The following SSBP3 variants were observed in gnomAD, a reference collection of about 807,000 sequenced individuals.
The protein encoded by SSBP3 is single-stranded DNA-binding protein 3.
In SSBP3, 5 loss-of-function variants were observed where a neutral mutation model predicts 69.6. The ratio of observed to expected loss-of-function variants is 0.07; its 90% CI spans 0.04 to 0.15. SSBP3 has a LOEUF of 0.15. SSBP3 is among the 10% of genes least tolerant of loss of function. The pLI, the probability that SSBP3 is intolerant of heterozygous loss-of-function variation, is 1.00. For missense variants in SSBP3, 312 were observed against 534.0 expected, an observed-to-expected ratio of 0.58 and a Z score of 4.10; for synonymous variants, 196 against 193.4, an observed-to-expected ratio of 1.01 and a Z score of -0.11.
intron 14 of SSBP3, chr1:54,236,731 T>G (rs1644501874): frequency 6.6e-6 from 1 of 152,244 alleles, no homozygotes; most frequent in Admixed American, 6.5e-5. Context: ...AGTCATCTTG[T>G]GGAAACGTGT....
chr1:54,329,844 C>T (rs1241988726), intron 4 of SSBP3, among the ~76,000 whole-genome samples: 1 of 152,172 alleles, frequency 6.6e-6, no homozygotes, highest in Non-Finnish European at 1.5e-5. Context: ...CTTCTCACCC[C>T]ACAATTCATC....
At chr1:54,254,813 G>A (rs980014264) in intron 7 of SSBP3, among the ~76,000 whole-genome samples, 2 of 152,120 alleles carry the variant, frequency 1.3e-5, no homozygotes, top group African/African-American at 4.8e-5. Flanking sequence ...GAAAACCAGT[G>A]TGGATTTCTT....
At chr1:54,412,447 G>A (rs1014108651) in intron 1 of SSBP3, among the ~76,000 whole-genome samples, 12 of 152,176 alleles carry the variant, frequency 7.9e-5, no homozygotes, top group African/African-American at 2.9e-4. Context: ...AGACCCAAAA[G>A]GACAAATACT....
At chr1:54,369,042 T>C (rs1647076418) in intron 4 of SSBP3, among the ~76,000 whole-genome samples, 1 of 152,204 alleles carries the variant, frequency 6.6e-6, no homozygotes, top group African/African-American at 2.4e-5. Context: ...GGCTCCATTT[T>C]TGTTTTATTA....
At chr1:54,341,329 C>G (rs1646602418) in intron 4 of SSBP3, among the ~76,000 whole-genome samples, 1 of 152,146 alleles carries the variant, frequency 6.6e-6, no homozygotes, top group Non-Finnish European at 1.5e-5. Flanking sequence ...CCAGACGTCT[C>G]CCCTTTAATG....
chr1:54,233,572 G>A (rs1404946192), intron 14 of SSBP3, among the ~76,000 whole-genome samples: 2 of 143,272 alleles, frequency 1.4e-5, no homozygotes, highest in African/African-American at 5.2e-5. Context: ...CAGCCGCCCC[G>A]TCGGGGAGGG....
chr1:54,289,402 G>A (rs1366338008), intron 4 of SSBP3, among the ~76,000 whole-genome samples: 5 of 151,896 alleles, frequency 3.3e-5, no homozygotes, highest in African/African-American at 1.2e-4. Flanking sequence ...GTGGGGTGGG[G>A]GGCTGTAAAA....
At chr1:54,251,557 G>T in intron 9 of SSBP3, 59 bp downstream of exon 9, 1 of 1,504,322 alleles carries the variant, frequency 6.6e-7, no homozygotes, top group South Asian at 1.2e-5. Context: ...GGAAACAGGA[G>T]AGAAGGCGGG....
intron 4 of SSBP3, among the ~76,000 whole-genome samples, chr1:54,368,303 A>G (rs1013323876): frequency 2.0e-5 from 3 of 151,718 alleles, no homozygotes; most frequent in Non-Finnish European, 4.4e-5. Context: ...AAAAAAAAAA[A>G]AAAAAGAAAA....
intron 5 of SSBP3, among the ~76,000 whole-genome samples, chr1:54,273,398 G>A (rs1233163477): frequency 2.6e-5 from 4 of 152,292 alleles, no homozygotes; most frequent in South Asian, 2.1e-4. Context: ...GAGGGAGGGC[G>A]ACTGAGCTGA....
chr1:54,277,081 C>T (rs545335110), intron 5 of SSBP3, among the ~76,000 whole-genome samples: 30 of 152,222 alleles, frequency 2.0e-4, no homozygotes, highest in Admixed American at 6.5e-4. Context: ...ATATCAGAGA[C>T]GGTCAATGAC....
exon 18 of SSBP3, chr1:54,225,904 CAA>C (rs889987616): frequency 2.0e-5 from 3 of 152,356 alleles, no homozygotes; most frequent in African/African-American, 7.2e-5. Flanking sequence ...ACAGCTGCTC[CAA>C]AGTCTTTCCA....
At chr1:54,356,555 G>A (rs994043174) in intron 4 of SSBP3, 1 of 152,222 alleles carries the variant, frequency 6.6e-6, no homozygotes, top group East Asian at 1.9e-4. Context: ...AGCAGAAGGC[G>A]GCCGGGAGCT....
intron 4 of SSBP3, among the ~76,000 whole-genome samples, chr1:54,365,282 C>T (rs1241474797): frequency 1.3e-5 from 2 of 152,158 alleles, no homozygotes; most frequent in Non-Finnish European, 2.9e-5. Flanking sequence ...CCTTGGCAGC[C>T]ACAGGTACGA....
At chr1:54,370,625 C>T (rs1216810983) in intron 4 of SSBP3, among the ~76,000 whole-genome samples, 1 of 152,086 alleles carries the variant, frequency 6.6e-6, no homozygotes, top group Non-Finnish European at 1.5e-5. Context: ...GGGTAATAAG[C>T]CTTGTCTGTC....
intron 14 of SSBP3, among the ~76,000 whole-genome samples, chr1:54,232,527 C>T (rs1644397482): frequency 6.6e-6 from 1 of 152,136 alleles, no homozygotes; most frequent in African/African-American, 2.4e-5. Flanking sequence ...CCCAGGAGTG[C>T]AAAAACAACC....
intron 5 of SSBP3, among the ~76,000 whole-genome samples, chr1:54,270,817 C>T (rs1380133240): frequency 6.6e-6 from 1 of 152,196 alleles, no homozygotes; most frequent in Admixed American, 6.5e-5. Flanking sequence ...GGCCTATCAT[C>T]GCCCCCAATT....
intron 1 of SSBP3, 137 bp from the exon 2 acceptor site, chr1:54,405,067 C>G: frequency 1.3e-6 from 1 of 769,590 alleles, no homozygotes; most frequent in African/African-American, 1.7e-5. Flanking sequence ...AAGCAGCTAG[C>G]TCACCCCAAA....
At chr1:54,247,024 C>A (rs1644745976) in intron 9 of SSBP3, among the ~76,000 whole-genome samples, 1 of 152,238 alleles carries the variant, frequency 6.6e-6, no homozygotes, top group Admixed American at 6.5e-5. Context: ...GCAGGGACAG[C>A]TGGGCAGAGA....
Sources: allele counts gnomAD v4.1 joint callset (sites outside exome capture counted in the v4.1 genomes callset), GRCh38; gene constraint gnomAD v4.1.1; transcripts MANE v1.5; gene names NCBI Gene and HGNC (gene_info 2026-07-23, HGNC 2026-07-21).